SNTG1: variants seen among roughly 807,000 people sequenced by gnomAD.
The protein encoded by SNTG1 is syntrophin gamma 1, also known as gamma-1-syntrophin.
In SNTG1, 39 loss-of-function variants were observed where a neutral mutation model predicts 74.7. That is an observed-to-expected ratio of 0.52 (90% CI 0.40 to 0.68). SNTG1 has a LOEUF of 0.68. SNTG1 is among the 30% of genes least tolerant of loss of function. The pLI is 0.00. For synonymous variants in SNTG1, 254 were observed against 217.1 expected (o/e 1.17, Z -1.49); for missense variants, 685 against 609.5 (o/e 1.12, Z -1.30).
At chr8:50,376,756 T>TATATATATATATATATAGAGAGAGAG (rs1381048539) in intron 2 of SNTG1, among the ~76,000 whole-genome samples, 17 of 89,938 alleles carry the variant, frequency 1.9e-4, no homozygotes, top group Non-Finnish European at 3.1e-4. Context: ...TATATATATA[T>TATATATATATATATATAGAGAGAGAG]AGAGAGAGAG....
chr8:50,303,709 G>T lies in SNTG1; in HGVS notation c.-27-90503G>T, dbSNP rs116602630. 2.0e-3 allele frequency among the ~76,000 whole-genome samples: 302 copies of T among 151,900 alleles called. 1 individual carries two copies. Among genetic ancestry groups the T allele is most frequent in the African/African-American group, 6.9e-3 (287 of 41,450 alleles). On this transcript the variant is annotated intron_variant, in intron 2 of 18. Coordinates refer to ENST00000642720, the MANE Select transcript of SNTG1 (RefSeq NM_018967.5). ...ATTAAATATATAATTTTTAAAAAAC[G>T]ATTTGTATGTCTTAATGTTTTAGCT... is the stretch of plus-strand genomic sequence containing the variant.
chr8:50,466,851 C>A (rs1052445274), intron 8 of SNTG1, among the ~76,000 whole-genome samples: 21 of 151,968 alleles, frequency 1.4e-4, no homozygotes, highest in African/African-American at 5.1e-4. Flanking sequence ...AAGTAGAAAG[C>A]AATTAACACT....
chr8:50,303,650 T>C (rs2089750952), intron 2 of SNTG1, among the ~76,000 whole-genome samples: 1 of 152,074 alleles, frequency 6.6e-6, no homozygotes, highest in South Asian at 2.1e-4. Context: ...GCTTTGGTCT[T>C]CTGCAAAAGT....
At chr8:50,242,056 T>C (rs552615710) in intron 2 of SNTG1, among the ~76,000 whole-genome samples, 1 of 151,932 alleles carries the variant, frequency 6.6e-6, no homozygotes, top group African/African-American at 2.4e-5. Flanking sequence ...CATAGATAGA[T>C]AGACACACAG....
intron 2 of SNTG1, among the ~76,000 whole-genome samples, chr8:50,369,614 A>AAAAG (rs398007753): frequency 1.3e-5 from 2 of 148,278 alleles, no homozygotes; most frequent in Non-Finnish European, 3.0e-5. Context: ...AAAAAAAAAA[A>AAAAG]GAAAAGAAAC....
intron 8 of SNTG1, among the ~76,000 whole-genome samples, chr8:50,473,463 T>C (rs921902432): frequency 6.6e-6 from 1 of 152,258 alleles, no homozygotes. Flanking sequence ...CTGTGCACTA[T>C]TGGTGGAAAT....
intron 13 of SNTG1, among the ~76,000 whole-genome samples, chr8:50,619,731 GAAA>G (rs780234473): frequency 3.1e-5 from 2 of 63,844 alleles, no homozygotes; most frequent in Non-Finnish European, 6.3e-5. Context: ...ACTCCGTCTC[GAAA>G]AAAAAAAAAA....
intron 2 of SNTG1, among the ~76,000 whole-genome samples, chr8:50,276,373 TTATATATA>T (rs6150576): frequency 0.03 from 4,243 of 143,384 alleles, 103 homozygotes; most frequent in African/African-American, 0.062. Flanking sequence ...CAAGTAAATT[TTATATATA>T]TATATATATA....
intron 17 of SNTG1, among the ~76,000 whole-genome samples, chr8:50,740,376 A>G (rs1380932678): frequency 1.4e-5 from 2 of 142,984 alleles, no homozygotes; most frequent in African/African-American, 5.4e-5. Flanking sequence ...AAAAAAAAAA[A>G]CCTCAACATC....
At chr8:50,761,877 A>T (rs1193124430) in intron 18 of SNTG1, among the ~76,000 whole-genome samples, 1 of 152,010 alleles carries the variant, frequency 6.6e-6, no homozygotes, top group African/African-American at 2.4e-5. Context: ...GACCTTACAG[A>T]TCAATAAAAT....
At chr8:50,782,414 T>A (rs2095662303) in intron 18 of SNTG1, among the ~76,000 whole-genome samples, 1 of 152,214 alleles carries the variant, frequency 6.6e-6, no homozygotes, top group Admixed American at 6.5e-5. Context: ...CTTTTTATTC[T>A]TTTTTCTCTA....
At chr8:50,317,109 T>G (rs2090345866) in intron 2 of SNTG1, among the ~76,000 whole-genome samples, 1 of 152,160 alleles carries the variant, frequency 6.6e-6, no homozygotes. Context: ...AAATATCTGG[T>G]AGATTCCTTA....
rs561608383 is a variant in SNTG1, at chr8:50,229,669, T to C, written c.-28+57034T>C. ...AGACTTTATCACCCTTTTTTTTAAG[T>C]AACATTGATTAAGCAGGCAAAAATT... On this transcript the variant is annotated intron_variant, in intron 2 of 18. Coordinates refer to ENST00000642720, the MANE Select transcript of SNTG1 (RefSeq NM_018967.5). 2.0e-4 allele frequency among the ~76,000 whole-genome samples: 30 copies of C among 151,350 alleles called. No individual in the cohort carries two copies. The South Asian group carries it at 3.3e-3, about 17-fold the overall frequency.
chr8:50,026,472 A>G (rs1384725091), intron 1 of SNTG1, among the ~76,000 whole-genome samples: 1 of 152,138 alleles, frequency 6.6e-6, no homozygotes, highest in African/African-American at 2.4e-5. Context: ...TGAAGGTTCA[A>G]ACTCCCTGTT....
chr8:50,239,889 G>A (rs1426775202), intron 2 of SNTG1, among the ~76,000 whole-genome samples: 1 of 152,110 alleles, frequency 6.6e-6, no homozygotes, highest in Non-Finnish European at 1.5e-5. Flanking sequence ...GTCTCAATTT[G>A]ATAGTATGCT....
chr8:50,229,971 T>C (rs566215429), intron 2 of SNTG1, among the ~76,000 whole-genome samples: 25 of 151,638 alleles, frequency 1.6e-4, no homozygotes, highest in African/African-American at 5.5e-4. Context: ...AACAACACAC[T>C]TCTAAATAAC....
intron 1 of SNTG1, among the ~76,000 whole-genome samples, chr8:49,966,154 GA>G (rs1434327336): frequency 1.3e-5 from 2 of 151,958 alleles, no homozygotes; most frequent in Non-Finnish European, 1.5e-5. Flanking sequence ...GAAAATCTGA[GA>G]AAAAAATAGA....
intron 13 of SNTG1, among the ~76,000 whole-genome samples, chr8:50,632,491 G>A (rs2095007827): frequency 6.6e-6 from 1 of 151,730 alleles, no homozygotes; most frequent in African/African-American, 2.4e-5. Context: ...TTGTATTTTA[G>A]TGGAGACAGG....
chr8:50,395,506 G>GGTT (rs58030144), intron 3 of SNTG1, among the ~76,000 whole-genome samples: 6,747 of 135,638 alleles, frequency 0.05, 479 homozygotes, highest in Non-Finnish European at 0.07. Context: ...TCTAATTTCT[G>GGTT]TTTTTTTTTT....
Sources: allele counts gnomAD v4.1 joint callset (sites outside exome capture counted in the v4.1 genomes callset), GRCh38; gene constraint gnomAD v4.1.1; transcripts MANE v1.5; gene names NCBI Gene and HGNC (gene_info 2026-07-23, HGNC 2026-07-21).